ZBTB5: variants seen among roughly 807,000 people sequenced by gnomAD.
ZBTB5 encodes the protein zinc finger and BTB domain-containing protein 5.
ZBTB5 carries 15 observed loss-of-function variants against 37.9 expected under a neutral mutation model. The ratio of observed to expected loss-of-function variants is 0.40; its 90% CI spans 0.26 to 0.61. The LOEUF (loss-of-function observed/expected upper bound fraction) is 0.61. Among genes scored for constraint, ZBTB5 ranks in the 20% least tolerant of loss-of-function variants. The pLI is 0.47. For missense variants in ZBTB5, 708 were observed against 856.8 expected (o/e 0.83, Z 2.17); for synonymous variants, 315 against 312.4 (o/e 1.01, Z -0.09).
chr9:37,457,519 C>T (rs1824213348), intron 1 of ZBTB5, among the ~76,000 whole-genome samples: 1 of 152,236 alleles, frequency 6.6e-6, no homozygotes, highest in African/African-American at 2.4e-5. Context: ...TGTGAGCCAC[C>T]ATGCCAGCAT....
chr9:37,438,178 T>C lies in ZBTB5; in HGVS notation c.*2340A>G, dbSNP rs1234121865. ...ACCAGCATAGCACCACTGACATGGATGCCTTGATAGAACTCCTTGATAGAA... is the reference window on the plus strand; with the variant it reads ...ACCAGCATAGCACCACTGACATGGACGCCTTGATAGAACTCCTTGATAGAA... On this transcript the variant is annotated 3_prime_UTR_variant, in exon 2 of 2. Transcript: ENST00000307750. The C allele has an allele frequency of 1.3e-5, 2 of 152,626 alleles. No homozygotes were observed. The highest frequency in any genetic ancestry group is 4.8e-5 in the African/African-American group (2 of 41,450). 9.5% of individuals were successfully genotyped at this position (152,626 alleles called of 1,614,324 possible). A position where few individuals can be genotyped will look rare whatever the true frequency, so the allele number is the denominator to read the frequency against.
Position 37,440,238 on chromosome 9 carries a change from A to G in ZBTB5, c.*280T>C, listed in dbSNP as rs1369424601. ...TGCACTTCAATTTTTAAATTTTTAA[A>G]TGTGCCACTTTTAATATCAATTACA... On this transcript the variant is annotated 3_prime_UTR_variant, in exon 2 of 2. Coordinates refer to ENST00000307750, the MANE Select transcript of ZBTB5 (RefSeq NM_014872.3). The G allele has an allele frequency of 3.3e-5, 13 of 389,694 alleles. No individual in the cohort carries two copies. Among genetic ancestry groups the G allele is most frequent in the Non-Finnish European group, 5.5e-5 (12 of 216,978 alleles). 24.1% of individuals were successfully genotyped at this position (389,694 alleles called of 1,614,324 possible). A position where few individuals can be genotyped will look rare whatever the true frequency, so the allele number is the denominator to read the frequency against.
rs139235243 is a variant in ZBTB5, at chr9:37,450,913, T to A, written c.-4-8358A>T. Among the ~76,000 whole-genome samples the A allele has an allele frequency of 2.6e-3, 394 of 151,614 alleles. 3 individuals are homozygous for A. Among genetic ancestry groups the A allele is most frequent in the Non-Finnish European group, 2.1e-3 (143 of 67,942 alleles). On this transcript the variant is annotated intron_variant, in intron 1 of 1. Coordinates refer to ENST00000307750, the MANE Select transcript of ZBTB5 (RefSeq NM_014872.3). ...CCAAGCATATTATTTAATATATACA[T>A]GTAATTACCAAAAGAATTAGCTAAG... is the stretch of plus-strand genomic sequence containing the variant.
intron 1 of ZBTB5, among the ~76,000 whole-genome samples, chr9:37,446,329 A>G (rs1823977476): frequency 6.6e-6 from 1 of 152,156 alleles, no homozygotes; most frequent in Admixed American, 6.5e-5. Flanking sequence ...TTACAGGCCA[A>G]AGTTGGTCAG....
intron 1 of ZBTB5, among the ~76,000 whole-genome samples, chr9:37,462,564 T>A (rs1824313637): frequency 1.4e-5 from 2 of 146,186 alleles, no homozygotes; most frequent in African/African-American, 5.1e-5. Context: ...CTTTAACCGT[T>A]TTTTTTTTTT....
At chr9:37,459,590 G>A (rs1231985861) in intron 1 of ZBTB5, among the ~76,000 whole-genome samples, 2 of 146,958 alleles carry the variant, frequency 1.4e-5, no homozygotes, top group East Asian at 4.0e-4. Context: ...GTCTCACTCT[G>A]TTACCCAGGC....
intron 1 of ZBTB5, among the ~76,000 whole-genome samples, chr9:37,462,072 T>A (rs1362073866): frequency 6.6e-6 from 1 of 152,154 alleles, no homozygotes; most frequent in Non-Finnish European, 1.5e-5. Flanking sequence ...ACTCAAGTGA[T>A]CCTCCTGCCT....
Position 37,458,702 on chromosome 9 carries a change from A to AT in ZBTB5, c.-5+6512dup, listed in dbSNP as rs563220730. Among the ~76,000 whole-genome samples the AT allele has an allele frequency of 2.0e-3, 299 of 152,282 alleles. 2 individuals carry two copies. Among genetic ancestry groups the AT allele is most frequent in the African/African-American group, 6.8e-3 (284 of 41,550 alleles). Reference sequence around the variant, plus strand: ...TCATTGGTGATATTAATGAAATGTGATTTTTTTACATTGTATAATAAATGA... The same window carrying AT: ...TCATTGGTGATATTAATGAAATGTGATTTTTTTTACATTGTATAATAAATGA... On this transcript the variant is annotated intron_variant, in intron 1 of 1. Coordinates refer to ENST00000307750, the MANE Select transcript of ZBTB5 (RefSeq NM_014872.3).
At position 37,439,338 on chromosome 9, in the gene ZBTB5, A is replaced by G. The variant is rs920929843; in HGVS notation, c.*1180T>C. 6.6e-6 allele frequency: 1 copy of G among 152,056 alleles called. No individual in the cohort carries two copies. The highest frequency in any genetic ancestry group is 2.4e-5 in the African/African-American group (1 of 41,280). 9.4% of individuals were successfully genotyped at this position (152,056 alleles called of 1,614,324 possible). On this transcript the variant is annotated 3_prime_UTR_variant, in exon 2 of 2. Coordinates refer to ENST00000307750, the MANE Select transcript of ZBTB5 (RefSeq NM_014872.3). ...TATGCTATGGGCTGCTAACTCTTAC[A>G]TAGCCTAGAAAATATTTACCCATGA...
Position 37,438,868 on chromosome 9 carries a change from G to A in ZBTB5, c.*1650C>T, listed in dbSNP as rs978808845. 7.9e-5 allele frequency: 12 copies of A among 152,128 alleles called. No individual in the cohort carries two copies. Among genetic ancestry groups the A allele is most frequent in the Non-Finnish European group, 1.8e-4 (12 of 68,014 alleles). 9.4% of individuals were successfully genotyped at this position (152,128 alleles called of 1,614,324 possible). A position where few individuals can be genotyped will look rare whatever the true frequency, so the allele number is the denominator to read the frequency against. On this transcript the variant is annotated 3_prime_UTR_variant, in exon 2 of 2. Coordinates refer to ENST00000307750, the MANE Select transcript of ZBTB5 (RefSeq NM_014872.3). Reference sequence around the variant, plus strand: ...AAAGGAATCGTGGGTTTCCCTTTGGGCTTTTCTTCCTGGGAATCAGTCCAT... The same window carrying A: ...AAAGGAATCGTGGGTTTCCCTTTGGACTTTTCTTCCTGGGAATCAGTCCAT...
intron 1 of ZBTB5, among the ~76,000 whole-genome samples, chr9:37,443,187 T>G (rs1331923855): frequency 1.3e-5 from 2 of 151,790 alleles, no homozygotes; most frequent in Non-Finnish European, 2.9e-5. Flanking sequence ...CTGTCTCTAC[T>G]AAAAATACAA....
At chr9:37,450,797 G>A (rs539267567) in intron 1 of ZBTB5, among the ~76,000 whole-genome samples, 105 of 151,734 alleles carry the variant, frequency 6.9e-4, no homozygotes, top group Non-Finnish European at 8.4e-4. Flanking sequence ...CCTGGGAGGC[G>A]GAGGTTGCAG....
intron 1 of ZBTB5, among the ~76,000 whole-genome samples, chr9:37,457,989 C>T (rs769829369): frequency 6.6e-6 from 1 of 152,192 alleles, no homozygotes; most frequent in Non-Finnish European, 1.5e-5. Flanking sequence ...AGATTACTTT[C>T]TTAAAAAGTA....
chr9:37,444,566 C>CA (rs1823942843), intron 1 of ZBTB5, among the ~76,000 whole-genome samples: 1 of 152,122 alleles, frequency 6.6e-6, no homozygotes, highest in African/African-American at 2.4e-5. Flanking sequence ...AAAGGCCCAA[C>CA]AAGTACTCAA....
rs529621988 is a variant in ZBTB5, at chr9:37,447,099, A to C, written c.-4-4544T>G. Among the ~76,000 whole-genome samples the C allele has an allele frequency of 5.9e-5, 9 of 152,362 alleles. No homozygotes were observed. The East Asian group carries it at 1.7e-3, about 29-fold the overall frequency. On this transcript the variant is annotated intron_variant, in intron 1 of 1. Transcript: ENST00000307750. ...AATACCCAAGACTGGGTGATTTATAAAGGAAAGAGGTTTAATTGACTCACA... is the reference window on the plus strand; with the variant it reads ...AATACCCAAGACTGGGTGATTTATACAGGAAAGAGGTTTAATTGACTCACA...
chr9:37,460,535 CAT>C (rs1267638426), intron 1 of ZBTB5, among the ~76,000 whole-genome samples: 1 of 152,138 alleles, frequency 6.6e-6, no homozygotes, highest in Non-Finnish European at 1.5e-5. Context: ...GCTTGGTTAA[CAT>C]AGCAAAACCT....
chr9:37,450,172 G>A (rs1343951162), intron 1 of ZBTB5, among the ~76,000 whole-genome samples: 1 of 152,182 alleles, frequency 6.6e-6, no homozygotes, highest in African/African-American at 2.4e-5. Flanking sequence ...TCACTAGAGA[G>A]AGAGCTGTTT....
At chr9:37,443,662 C>T (rs182534281) in intron 1 of ZBTB5, among the ~76,000 whole-genome samples, 36 of 152,284 alleles carry the variant, frequency 2.4e-4, no homozygotes, top group African/African-American at 8.2e-4. Context: ...GATGTGGTGG[C>T]GCATGCCTGT....
intron 1 of ZBTB5, among the ~76,000 whole-genome samples, chr9:37,449,037 C>T (rs940828770): frequency 6.6e-6 from 1 of 151,450 alleles, no homozygotes; most frequent in African/African-American, 2.4e-5. Context: ...AGCGAGACTC[C>T]GTTTCAAAAT....
Sources: gnomAD v4.1 joint callset for allele counts (sites outside exome capture counted in the v4.1 genomes callset) on GRCh38, gnomAD v4.1.1 for gene constraint, MANE v1.5 for transcripts, NCBI Gene and HGNC (gene_info 2026-07-23, HGNC 2026-07-21) for gene names.